Variants in ERICH6 observed in about 807,000 individuals in gnomAD.
The protein encoded by ERICH6 is glutamate-rich protein 6.
ERICH6 carries 71 observed loss-of-function variants against 71.0 expected under a neutral mutation model. The observed-to-expected ratio is 1.00, with a 90% confidence interval of 0.83 to 1.22. The LOEUF is 1.22. Among genes scored for constraint, ERICH6 ranks in the 50% most tolerant of loss-of-function variants. ERICH6 has a pLI of 0.00. For missense variants in ERICH6, 808 were observed against 797.2 expected, an observed-to-expected ratio of 1.01 and a Z score of -0.16; for synonymous variants, 262 against 278.4, an observed-to-expected ratio of 0.94 and a Z score of 0.59.
At chr3:150,696,931 C>T (rs9968224) in intron 3 of ERICH6, among the ~76,000 whole-genome samples, 8,281 of 152,154 alleles carry the variant, frequency 0.054, 363 homozygotes, top group African/African-American at 0.11. Flanking sequence ...TACAGCAATA[C>T]TCGGTGTGTA....
chr3:150,681,432 T>TCAGC (rs1210833113), intron 7 of ERICH6, among the ~76,000 whole-genome samples: 2 of 152,272 alleles, frequency 1.3e-5, no homozygotes, highest in African/African-American at 4.8e-5. Flanking sequence ...CACATTTTAT[T>TCAGC]CATCCATTCA....
Position 150,703,868 on chromosome 3 carries a change from C to G in ERICH6, c.31G>C (p.Gly11Arg), listed in dbSNP as rs781209272. 5.0e-6 allele frequency: 8 copies of G among 1,613,568 alleles called. No individual in the cohort carries two copies. Among genetic ancestry groups the G allele is most frequent in the Non-Finnish European group, 6.8e-6 (8 of 1,179,688 alleles). The change falls in exon 1 of 14, where the codon GGA becomes CGA. Residue 11 changes from glycine (G) to arginine (R), a missense_variant. Physicochemically the swap from Gly to Arg is moderately radical, Grantham distance 125. Transcript: ENST00000295910. MAHLRSPSGF[G>R]DPGKKDQKES... ...TTCTGGTCCTTCTTCCCCGGGTCTC[C>G]GAAGCCGCTAGGCGAGCGCAAGTGG...
intron 8 of ERICH6, 48 bp downstream of exon 8, chr3:150,680,725 C>A: frequency 6.4e-7 from 1 of 1,568,024 alleles, no homozygotes; most frequent in Non-Finnish European, 8.6e-7. Context: ...AAACGAGCTC[C>A]GATTAAGCCG....
intron 13 of ERICH6, among the ~76,000 whole-genome samples, chr3:150,665,930 C>T (rs1727400264): frequency 1.3e-5 from 2 of 151,760 alleles, no homozygotes; most frequent in Non-Finnish European, 2.9e-5. Flanking sequence ...TATAGCTATA[C>T]ATCCATCTCT....
chr3:150,669,738 A>G (rs1576548154), intron 11 of ERICH6, among the ~76,000 whole-genome samples: 1 of 152,348 alleles, frequency 6.6e-6, no homozygotes, highest in East Asian at 1.9e-4. Context: ...ACATCTGAAA[A>G]TAACTTAATA....
At chr3:150,669,132 C>T (rs956599267) in intron 12 of ERICH6, among the ~76,000 whole-genome samples, 164 bp downstream of exon 12, 9 of 152,100 alleles carry the variant, frequency 5.9e-5, no homozygotes, top group South Asian at 2.1e-4. Flanking sequence ...GAAAAGCATA[C>T]GGAATGGTGT....
intron 2 of ERICH6, among the ~76,000 whole-genome samples, chr3:150,700,241 A>ATTTTTTTTTTT (rs34624356): frequency 9.3e-4 from 103 of 110,936 alleles, no homozygotes; most frequent in African/African-American, 1.3e-3. Flanking sequence ...TGCCCGGCTA[A>ATTTTTTTTTTT]TTTTTTTTTT....
intron 9 of ERICH6, 140 bp downstream of exon 9, chr3:150,680,328 A>G: frequency 1.2e-6 from 1 of 828,202 alleles, no homozygotes; most frequent in Non-Finnish European, 1.9e-6. Flanking sequence ...TTGGCTTCCC[A>G]AAGTGTTGGG....
intron 3 of ERICH6, among the ~76,000 whole-genome samples, chr3:150,688,489 T>G (rs1482989670): frequency 6.6e-6 from 1 of 152,218 alleles, no homozygotes; most frequent in Non-Finnish European, 1.5e-5. Context: ...TTAGTTCATT[T>G]GGGCTGCTAT....
At chr3:150,682,355 A>ACCCCAC in intron 6 of ERICH6, 39 bp from the exon 7 acceptor site, 2 of 1,520,884 alleles carry the variant, frequency 1.3e-6, no homozygotes, top group South Asian at 1.1e-5. Context: ...AAGTCCCCAC[A>ACCCCAC]AAGAGGCCCA....
intron 3 of ERICH6, among the ~76,000 whole-genome samples, chr3:150,693,430 T>C (rs1326370198): frequency 4.6e-5 from 7 of 152,188 alleles, no homozygotes; most frequent in Non-Finnish European, 1.5e-5. Flanking sequence ...AAGTAAAGAA[T>C]GTCACTTTCT....
chr3:150,665,818 G>C (rs1317135304), intron 13 of ERICH6, among the ~76,000 whole-genome samples: 2 of 132,676 alleles, frequency 1.5e-5, no homozygotes, highest in South Asian at 4.7e-4. Context: ...ACAGAGCAAG[G>C]CTCCATCTCA....
chr3:150,684,129 G>A (rs1002436226), intron 6 of ERICH6, among the ~76,000 whole-genome samples: 7 of 152,162 alleles, frequency 4.6e-5, no homozygotes, highest in Non-Finnish European at 1.0e-4. Context: ...GCTCATGCCT[G>A]TAATCCCAGA....
intron 10 of ERICH6, among the ~76,000 whole-genome samples, chr3:150,677,621 C>A (rs926430756): frequency 1.4e-4 from 22 of 151,966 alleles, no homozygotes; most frequent in African/African-American, 2.4e-5. Context: ...TCAGCCCCCC[C>A]AAGTGGCTGG....
chr3:150,671,101 T>C (rs1288326418), intron 11 of ERICH6, among the ~76,000 whole-genome samples: 1 of 152,134 alleles, frequency 6.6e-6, no homozygotes, highest in Non-Finnish European at 1.5e-5. Flanking sequence ...CTCTAAAAAC[T>C]TTAAAAAAAT....
intron 3 of ERICH6, among the ~76,000 whole-genome samples, chr3:150,688,103 G>A (rs901352965): frequency 6.6e-6 from 1 of 152,130 alleles, no homozygotes; most frequent in Non-Finnish European, 1.5e-5. Context: ...GGGTGACAGA[G>A]CAAGACCTTG....
chr3:150,666,819 G>C lies in ERICH6; in HGVS notation c.1696C>G (p.Gln566Glu). The change falls in exon 13 of 14, where the codon CAG (glutamine) becomes GAG (glutamate). Residue 566 changes from glutamine to glutamate, a missense_variant. Physicochemically the swap from Gln to Glu is conservative, Grantham distance 29. This residue lies in a region of ERICH6 where 736 missense variants were observed against 712.2 expected (regional missense o/e 1.03). Coordinates refer to ENST00000295910, the MANE Select transcript of ERICH6 (RefSeq NM_152394.5). ...TTGGTTCCAACACTGATTCTTGCCT[G>C]TTGGCCCATTGCTAGAAAAGTTATA... ...ISITFLAMGQQARISVGTKVK... is the reference protein window; with the variant it reads ...ISITFLAMGQEARISVGTKVK... 1.2e-6 allele frequency: 2 copies of C among 1,614,116 alleles called. No individual in the cohort carries two copies. Among genetic ancestry groups the C allele is most frequent in the Non-Finnish European group, 1.7e-6 (2 of 1,180,018 alleles).
At chr3:150,693,158 T>C (rs1559919954) in intron 3 of ERICH6, among the ~76,000 whole-genome samples, 1 of 152,238 alleles carries the variant, frequency 6.6e-6, no homozygotes, top group African/African-American at 2.4e-5. Context: ...TCTCTCTACC[T>C]GATTTCTCCA....
intron 2 of ERICH6, among the ~76,000 whole-genome samples, chr3:150,701,100 ACACTG>A (rs1326029929): frequency 3.3e-5 from 5 of 152,232 alleles, no homozygotes; most frequent in African/African-American, 4.8e-5. Flanking sequence ...ATGTAAATAT[ACACTG>A]CATTTTAATA....
Sources: gnomAD v4.1 joint callset for allele counts (sites outside exome capture counted in the v4.1 genomes callset) on GRCh38, gnomAD v4.1.1 for gene constraint, gnomAD v4.1.1 regional missense constraint, MANE v1.5 for transcripts, NCBI Gene and HGNC (gene_info 2026-07-23, HGNC 2026-07-21) for gene names.